Variants in DMRT1 observed in about 807,000 individuals in gnomAD.
The protein encoded by DMRT1 is doublesex and mab-3 related transcription factor 1.
A neutral mutation model predicts 32.3 loss-of-function variants in DMRT1; 7 were observed. The ratio of observed to expected loss-of-function variants is 0.22; its 90% CI spans 0.12 to 0.41. The LOEUF (loss-of-function observed/expected upper bound fraction) is 0.41. Among genes scored for constraint, DMRT1 ranks in the 10% least tolerant of loss-of-function variants. DMRT1 has a pLI of 1.00. For missense variants in DMRT1, 625 were observed against 500.5 expected, an observed-to-expected ratio of 1.25 and a Z score of -2.37; for synonymous variants, 278 against 206.1, an observed-to-expected ratio of 1.35 and a Z score of -2.99.
chr9:899,736 ATGT>A (rs1817499543), intron 3 of DMRT1, among the ~76,000 whole-genome samples: 1 of 152,256 alleles, frequency 6.6e-6, no homozygotes, highest in Admixed American at 6.5e-5. Context: ...TTAAATAAAC[ATGT>A]TGTACCAGGT....
At chr9:886,008 TATC>T (rs1816913980) in intron 2 of DMRT1, among the ~76,000 whole-genome samples, 1 of 152,186 alleles carries the variant, frequency 6.6e-6, no homozygotes, top group South Asian at 2.1e-4. Context: ...TTTGGCCAAT[TATC>T]ATTCTAGAAA....
chr9:948,903 A>AAATAAT lies in DMRT1; in HGVS notation c.968-19044_968-19039dup, dbSNP rs57959311. 1.7e-3 allele frequency among the ~76,000 whole-genome samples: 228 copies of AAATAAT among 137,720 alleles called. 1 individual carries two copies. The highest frequency in any genetic ancestry group is 3.7e-3 in the Middle Eastern group (1 of 268). The allele number at this position is 137,720 out of a possible 152,430, so 90.3% of individuals were successfully genotyped here. ...AAACTCTGTCTCTACTAAAAATACA[A>AAATAAT]AATAATAATAATAATAATAATAATA... On this transcript the variant is annotated intron_variant, in intron 4 of 4. Transcript: ENST00000382276.
In DMRT1 at chr9:968,507, C is replaced by T. The variant is rs571689714; in HGVS notation, c.*368C>T. ...TAGTTTTAAAATGAAATCTTAGGTGCCTTAGGGGTTTTTTTTTTTTTTAAG... is the reference window on the plus strand; with the variant it reads ...TAGTTTTAAAATGAAATCTTAGGTGTCTTAGGGGTTTTTTTTTTTTTTAAG... On this transcript the variant is annotated 3_prime_UTR_variant, in exon 5 of 5. Coordinates refer to ENST00000382276, the MANE Select transcript of DMRT1 (RefSeq NM_021951.3). 4.6e-3 allele frequency: 533 copies of T among 116,174 alleles called. 4 individuals are homozygous for T. Among genetic ancestry groups the T allele is most frequent in the African/African-American group, 0.017 (479 of 27,648 alleles). The allele number at this position is 116,174 out of a possible 1,614,324, so 7.2% of individuals were successfully genotyped here.
chr9:845,812 G>A (rs10977005), intron 1 of DMRT1, among the ~76,000 whole-genome samples: 7,544 of 152,064 alleles, frequency 0.05, 629 homozygotes, highest in African/African-American at 0.17. Context: ...ATATTATTCC[G>A]ATATGTACTG....
At chr9:908,344 G>T (rs1337457182) in intron 3 of DMRT1, among the ~76,000 whole-genome samples, 2 of 152,086 alleles carry the variant, frequency 1.3e-5, no homozygotes, top group Non-Finnish European at 2.9e-5. Context: ...TGTAGTTCTA[G>T]CTACTCAGGA....
At chr9:842,723 G>T (rs1478692437) in intron 1 of DMRT1, 1 of 153,872 alleles carries the variant, frequency 6.5e-6, no homozygotes, top group Non-Finnish European at 1.4e-5. Flanking sequence ...CAGAGTTGCG[G>T]GCTTCGCTCG....
At chr9:909,730 T>C (rs200043605) in intron 3 of DMRT1, among the ~76,000 whole-genome samples, 2 of 151,854 alleles carry the variant, frequency 1.3e-5, no homozygotes, top group African/African-American at 4.8e-5. Context: ...CTGTTTTTTT[T>C]TGAAACAGGG....
At chr9:891,909 C>T (rs1381352841) in intron 2 of DMRT1, among the ~76,000 whole-genome samples, 2 of 152,188 alleles carry the variant, frequency 1.3e-5, no homozygotes, top group Admixed American at 1.3e-4. Flanking sequence ...CAAATATTGA[C>T]CCACTGTGTC....
At chr9:899,225 A>T (rs1817482220) in intron 3 of DMRT1, among the ~76,000 whole-genome samples, 1 of 152,170 alleles carries the variant, frequency 6.6e-6, no homozygotes, top group Non-Finnish European at 1.5e-5. Context: ...TAAAACCAAC[A>T]ACTCCTTTTT....
intron 2 of DMRT1, among the ~76,000 whole-genome samples, chr9:878,489 G>C (rs773438153): frequency 1.3e-5 from 2 of 152,078 alleles, no homozygotes; most frequent in Admixed American, 6.5e-5. Flanking sequence ...GAAACACATT[G>C]TTCCCGCATT....
At position 946,600 on chromosome 9, in the gene DMRT1, A is replaced by C. The variant is rs146506298; in HGVS notation, c.968-21385A>C. ...GAATCCCAATCAATCTCCACATAAA[A>C]ACGCTGGCTTTTGTACAAACAGAGG... On this transcript the variant is annotated intron_variant, in intron 4 of 4. Transcript: ENST00000382276. Among the ~76,000 whole-genome samples the C allele has an allele frequency of 1.1e-3, 160 of 152,258 alleles. 1 individual carries two copies. Among genetic ancestry groups the C allele is most frequent in the African/African-American group, 3.7e-3 (153 of 41,540 alleles).
intron 2 of DMRT1, among the ~76,000 whole-genome samples, chr9:852,186 C>G (rs1457468641): frequency 1.3e-5 from 2 of 151,832 alleles, no homozygotes; most frequent in South Asian, 2.1e-4. Context: ...ATCCGCCTGC[C>G]TCGGCCTCCC....
chr9:908,315 G>A (rs897649951), intron 3 of DMRT1, among the ~76,000 whole-genome samples: 7 of 151,954 alleles, frequency 4.6e-5, no homozygotes, highest in African/African-American at 1.7e-4. Context: ...AAATTTAGCT[G>A]GTCTTGGTGT....
At chr9:906,227 C>T (rs891574479) in intron 3 of DMRT1, among the ~76,000 whole-genome samples, 2 of 152,114 alleles carry the variant, frequency 1.3e-5, no homozygotes, top group South Asian at 2.1e-4. Context: ...CACCAGCCTG[C>T]GTCGGATCTT....
chr9:894,799 T>G lies in DMRT1; in HGVS notation c.822+604T>G, dbSNP rs77853626. On this transcript the variant is annotated intron_variant, in intron 3 of 4. Transcript: ENST00000382276. ...TTTCATTCTCCAAGTTTGTTTTTTT[T>G]TTTGTTTGTTTGTTTGTTTTGGTTT... The G allele has an allele frequency of 1.8e-3, 281 of 160,106 alleles. 5 individuals are homozygous for G. The highest frequency in any genetic ancestry group is 1.3e-3 in the South Asian group (7 of 5,458). 9.9% of individuals were successfully genotyped at this position (160,106 alleles called of 1,614,324 possible). A position where few individuals can be genotyped will look rare whatever the true frequency, so the allele number is the denominator to read the frequency against.
intron 3 of DMRT1, among the ~76,000 whole-genome samples, chr9:895,722 C>G (rs889046861): frequency 2.6e-5 from 4 of 151,578 alleles, no homozygotes; most frequent in Non-Finnish European, 4.4e-5. Flanking sequence ...TAGCATTTTT[C>G]AGGTGTACAG....
intron 2 of DMRT1, among the ~76,000 whole-genome samples, chr9:854,439 A>G (rs1330205379): frequency 6.6e-6 from 1 of 152,052 alleles, no homozygotes; most frequent in Non-Finnish European, 1.5e-5. Flanking sequence ...GCATGCAACC[A>G]TGCCTGGCTA....
In DMRT1 at chr9:904,980, C is replaced by T. The variant is rs111494018; in HGVS notation, c.822+10785C>T. On this transcript the variant is annotated intron_variant, in intron 3 of 4. Transcript: ENST00000382276. ...AAAAGACACATGTAATTCTCTTATT[C>T]CTGTTTCGATCAGAGCCCGGGGAGA... Among the ~76,000 whole-genome samples, 5 of 150,680 alleles carry T rather than the reference C, an allele frequency of 3.3e-5. No homozygotes were observed. In the East Asian group the frequency reaches 5.8e-4, roughly 18 times the overall value.
intron 2 of DMRT1, among the ~76,000 whole-genome samples, chr9:886,030 G>C (rs1299522103): frequency 6.6e-6 from 1 of 152,164 alleles, no homozygotes; most frequent in East Asian, 1.9e-4. Flanking sequence ...AAAATAGAGA[G>C]TGAGATCTAG....
Sources: gnomAD v4.1 joint callset for allele counts (sites outside exome capture counted in the v4.1 genomes callset) on GRCh38, gnomAD v4.1.1 for gene constraint, MANE v1.5 for transcripts, NCBI Gene and HGNC (gene_info 2026-07-23, HGNC 2026-07-21) for gene names.